Variants in PRKG1 observed in about 807,000 individuals in gnomAD.
The protein encoded by PRKG1 is protein kinase cGMP-dependent 1.
Under a neutral mutation model 88.1 loss-of-function variants are expected in PRKG1, and 35 were observed. The ratio of observed to expected loss-of-function variants is 0.40; its 90% confidence interval spans 0.30 to 0.53. The LOEUF is 0.53. Ranked by LOEUF, PRKG1 falls within the 20% of genes least tolerant of loss-of-function variation. PRKG1 has a pLI of 0.59. For missense variants in PRKG1, 540 were observed against 839.8 expected, an observed-to-expected ratio of 0.64 and a Z score of 4.41; for synonymous variants, 303 against 292.5, an observed-to-expected ratio of 1.04 and a Z score of -0.37.
At chr10:51,217,389 A>G (rs1365070724) in intron 2 of PRKG1, among the ~76,000 whole-genome samples, 1 of 152,124 alleles carries the variant, frequency 6.6e-6, no homozygotes, top group African/African-American at 2.4e-5. Flanking sequence ...GTGGGGAAAA[A>G]TGCCTTAGAA....
intron 1 of PRKG1, among the ~76,000 whole-genome samples, chr10:51,117,857 C>T (rs1280363401): frequency 6.6e-6 from 1 of 152,148 alleles, no homozygotes; most frequent in Non-Finnish European, 1.5e-5. Context: ...AACATGATTG[C>T]AGTTCTATGT....
intron 2 of PRKG1, among the ~76,000 whole-genome samples, chr10:51,248,558 T>C (rs997836368): frequency 6.6e-5 from 10 of 151,970 alleles, no homozygotes; most frequent in Non-Finnish European, 1.3e-4. Context: ...TGGTATCTTA[T>C]GGTTAAAATT....
intron 2 of PRKG1, among the ~76,000 whole-genome samples, chr10:51,296,228 G>A (rs181548236): frequency 6.6e-6 from 1 of 152,074 alleles, no homozygotes; most frequent in East Asian, 1.9e-4. Context: ...TATTTTTTTG[G>A]AAGAGTTAAA....
intron 3 of PRKG1, among the ~76,000 whole-genome samples, chr10:51,689,650 C>T (rs1258775318): frequency 6.6e-6 from 1 of 152,090 alleles, no homozygotes; most frequent in Non-Finnish European, 1.5e-5. Context: ...ATTGGGAGAC[C>T]ATTTAAATTT....
intron 3 of PRKG1, among the ~76,000 whole-genome samples, chr10:51,588,153 A>G (rs1838218662): frequency 6.6e-6 from 1 of 152,182 alleles, no homozygotes; most frequent in South Asian, 2.1e-4. Flanking sequence ...AAACCAGAAA[A>G]CACATTTTGA....
chr10:51,819,559 G>A (rs1839689258), intron 4 of PRKG1, among the ~76,000 whole-genome samples: 1 of 152,136 alleles, frequency 6.6e-6, no homozygotes, highest in South Asian at 2.1e-4. Context: ...GTGTCCTGCT[G>A]CCATCCATGC....
intron 1 of PRKG1, among the ~76,000 whole-genome samples, chr10:51,150,130 C>G (rs1052578845): frequency 1.3e-5 from 2 of 152,038 alleles, no homozygotes; most frequent in Non-Finnish European, 2.9e-5. Context: ...TCTTATACCT[C>G]CCAAGTCAGG....
intron 9 of PRKG1, among the ~76,000 whole-genome samples, chr10:52,240,018 A>T (rs1440989309): frequency 6.6e-6 from 1 of 152,184 alleles, no homozygotes; most frequent in Non-Finnish European, 1.5e-5. Context: ...AGCAATGTGG[A>T]AATTTGTAAT....
intron 7 of PRKG1, among the ~76,000 whole-genome samples, chr10:52,119,160 C>T (rs900799453): frequency 6.6e-5 from 10 of 152,126 alleles, no homozygotes; most frequent in Non-Finnish European, 1.3e-4. Context: ...CTTATAATTA[C>T]TATTCTATCT....
chr10:51,719,807 C>G (rs1410256992), intron 3 of PRKG1, among the ~76,000 whole-genome samples: 2 of 152,012 alleles, frequency 1.3e-5, no homozygotes, highest in Admixed American at 1.3e-4. Context: ...AAAATTATCC[C>G]CAGAAAAGTT....
intron 7 of PRKG1, among the ~76,000 whole-genome samples, chr10:52,087,057 G>A (rs1846934251): frequency 1.3e-5 from 2 of 152,050 alleles, no homozygotes; most frequent in East Asian, 3.9e-4. Flanking sequence ...TGACATGTGG[G>A]GATTATAGGA....
chr10:52,128,772 G>A (rs1337521213), intron 7 of PRKG1, among the ~76,000 whole-genome samples: 1 of 152,130 alleles, frequency 6.6e-6, no homozygotes, highest in African/African-American at 2.4e-5. Context: ...GCTTTTTAAA[G>A]TATTTATTAA....
intron 1 of PRKG1, among the ~76,000 whole-genome samples, chr10:51,044,970 A>G (rs1008658532): frequency 2.6e-5 from 4 of 152,180 alleles, no homozygotes; most frequent in Non-Finnish European, 5.9e-5. Flanking sequence ...TGAGGAACTT[A>G]TTAGGCTGTG....
chr10:51,073,224 G>A (rs116250261), upstream of PRKG1, among the ~76,000 whole-genome samples: 932 of 152,268 alleles, frequency 6.1e-3, 10 homozygotes, highest in African/African-American at 0.021. Context: ...GGAATATTGA[G>A]TGGGCAGGGA....
chr10:51,278,127 C>T (rs1840181078), intron 2 of PRKG1, among the ~76,000 whole-genome samples: 1 of 152,162 alleles, frequency 6.6e-6, no homozygotes, highest in Non-Finnish European at 1.5e-5. Flanking sequence ...AGATACGTCC[C>T]ATCAATACCT....
rs573054372 is a variant in PRKG1 at position 52,227,289 on chromosome 10, CTATTT to C, written c.1077-24276_1077-24272del. On this transcript the variant is annotated intron_variant, in intron 9 of 17. Transcript: ENST00000373980. ...TTGAGGTGATGCATTTCATAATGTGCTATTTTATTACAAAGAATAAAAATATAGTC... is the reference window on the plus strand; with the variant it reads ...TTGAGGTGATGCATTTCATAATGTGCTATTACAAAGAATAAAAATATAGTC... Among the ~76,000 whole-genome samples the C allele has an allele frequency of 1.8e-4, 28 of 152,180 alleles. No individual in the cohort carries two copies. The East Asian group carries it at 5.4e-3, about 29-fold the overall frequency.
chr10:52,013,929 A>G (rs1589518186), intron 5 of PRKG1, among the ~76,000 whole-genome samples: 1 of 152,104 alleles, frequency 6.6e-6, no homozygotes. Flanking sequence ...TTGGGTGCTC[A>G]TTCCTTTTCC....
At chr10:52,241,921 G>A (rs1396600228) in intron 9 of PRKG1, among the ~76,000 whole-genome samples, 2 of 152,144 alleles carry the variant, frequency 1.3e-5, no homozygotes, top group Non-Finnish European at 2.9e-5. Context: ...ACTCTTCTTA[G>A]TCTTCGGGTA....
intron 2 of PRKG1, among the ~76,000 whole-genome samples, chr10:51,374,974 G>A (rs1842788105): frequency 6.6e-6 from 1 of 150,604 alleles, no homozygotes; most frequent in Non-Finnish European, 1.5e-5. Flanking sequence ...AAAGTCAGAA[G>A]GAGAGAGAGA....
Sources: allele counts gnomAD v4.1 joint callset (sites outside exome capture counted in the v4.1 genomes callset), GRCh38; gene constraint gnomAD v4.1.1; transcripts MANE v1.5; gene names NCBI Gene and HGNC (gene_info 2026-07-23, HGNC 2026-07-21).